Variants in NUP98 observed in about 807,000 individuals in gnomAD.
NUP98 encodes nucleoporin 98 and 96 precursor.
A neutral mutation model predicts 191.9 loss-of-function variants in NUP98; 26 were observed. The ratio of observed to expected loss-of-function variants is 0.14; its 90% CI spans 0.10 to 0.19. The LOEUF (loss-of-function observed/expected upper bound fraction) is 0.19. NUP98 is among the 10% of genes least tolerant of loss of function. The pLI, the probability that NUP98 is intolerant of heterozygous loss-of-function variation, is 1.00. For synonymous variants in NUP98, 808 were observed against 778.4 expected (o/e 1.04, Z -0.63); for missense variants, 1,941 against 2,178.8 (o/e 0.89, Z 2.17).
In NUP98 at chr11:3,691,549, TTA is replaced by T. The variant is rs1439758021; in HGVS notation, c.4312-62_4312-61del. On this transcript the variant is annotated intron_variant, in intron 27 of 32. Coordinates refer to ENST00000324932, the MANE Select transcript of NUP98 (RefSeq NM_016320.5). The stretch of plus-strand genomic sequence containing the variant: ...TCCTAATCAGTTTTACTAGATGCCA[TTA>T]TGTTTCTTCTTTTTTTTTTTGAGAG... 5.2e-6 allele frequency: 8 copies of T among 1,537,548 alleles called. No individual in the cohort carries two copies. The Admixed American group carries it at 1.1e-4, about 21-fold the overall frequency.
intron 26 of NUP98, 51 bp from the exon 27 acceptor site, chr11:3,693,426 T>C: frequency 6.4e-7 from 1 of 1,568,656 alleles, no homozygotes; most frequent in Non-Finnish European, 8.7e-7. Flanking sequence ...TGTTATTACC[T>C]GTGTGTGCAA....
chr11:3,678,677 A>G (rs1242446239), intron 31 of NUP98, among the ~76,000 whole-genome samples: 1 of 152,198 alleles, frequency 6.6e-6, no homozygotes, highest in East Asian at 1.9e-4. Flanking sequence ...CAGGCTAGCA[A>G]GGCTGGAACG....
chr11:3,791,928 C>T (rs1457790917), intron 1 of NUP98, among the ~76,000 whole-genome samples: 1 of 151,638 alleles, frequency 6.6e-6, no homozygotes, highest in Non-Finnish European at 1.5e-5. Context: ...GCCTGTAATC[C>T]CAGGACTTTG....
intron 6 of NUP98, among the ~76,000 whole-genome samples, chr11:3,772,812 C>CAAAA (rs35653017): frequency 7.5e-6 from 1 of 133,938 alleles, no homozygotes. Flanking sequence ...AGACTCGTCT[C>CAAAA]AAAAAAAAAA....
chr11:3,762,941 G>C lies in NUP98; in HGVS notation c.1047C>G (p.Leu349=). Residue 349 remains leucine, a synonymous_variant, in exon 9 of 33, where the codon CTC becomes CTG. Transcript: ENST00000324932. ...TGTAFGTGTG[L]FGQTNTGFGA... Reference sequence around the variant, plus strand: ...CAAATCCAGTATTGGTCTGCCCAAAGAGACCTGTTCCTGTTCCAAATGCTG... The same window carrying C: ...CAAATCCAGTATTGGTCTGCCCAAACAGACCTGTTCCTGTTCCAAATGCTG... 3 of 1,614,136 alleles carry C rather than the reference G, an allele frequency of 1.9e-6. No individual in the cohort carries two copies. The highest frequency in any genetic ancestry group is 2.5e-6 in the Non-Finnish European group (3 of 1,180,036).
chr11:3,779,928 G>A (rs983863103), intron 2 of NUP98, among the ~76,000 whole-genome samples: 5 of 151,986 alleles, frequency 3.3e-5, no homozygotes, highest in African/African-American at 1.2e-4. Flanking sequence ...AGGAGTTCAA[G>A]ACCAGCCTAA....
chr11:3,791,001 T>C (rs1299342933), intron 1 of NUP98, among the ~76,000 whole-genome samples: 1 of 151,720 alleles, frequency 6.6e-6, no homozygotes, highest in Non-Finnish European at 1.5e-5. Context: ...GTTCACGACA[T>C]TCTCCTGCGT....
At chr11:3,795,839 A>G (rs1284590360) in intron 1 of NUP98, among the ~76,000 whole-genome samples, 1 of 152,220 alleles carries the variant, frequency 6.6e-6, no homozygotes, top group Non-Finnish European at 1.5e-5. Context: ...ACGCTTTACT[A>G]TTTAGACTAC....
At chr11:3,725,354 G>GT in intron 14 of NUP98, 135 bp from the exon 15 acceptor site, 1 of 554,774 alleles carries the variant, frequency 1.8e-6, no homozygotes, top group Admixed American at 2.8e-5. Context: ...AACCTAACAA[G>GT]TTTCATTTAT....
At chr11:3,759,895 G>A (rs1189298666) in intron 10 of NUP98, among the ~76,000 whole-genome samples, 1 of 151,524 alleles carries the variant, frequency 6.6e-6, no homozygotes, top group African/African-American at 2.4e-5. Flanking sequence ...CTGGAATGCA[G>A]TGGCAATTCA....
chr11:3,780,706 T>C (rs1319968757), intron 2 of NUP98, among the ~76,000 whole-genome samples: 2 of 151,754 alleles, frequency 1.3e-5, no homozygotes, highest in Admixed American at 1.3e-4. Flanking sequence ...CAGGCTTAGG[T>C]GGGAGAACTG....
At chr11:3,777,477 C>T (rs1391347410) in intron 4 of NUP98, among the ~76,000 whole-genome samples, 1 of 151,876 alleles carries the variant, frequency 6.6e-6, no homozygotes, top group African/African-American at 2.4e-5. Context: ...AAAAATTAGC[C>T]AGGCGTGATG....
rs141741442 is a variant in NUP98, at chr11:3,773,732, G to T, written c.503C>A (p.Thr168Asn). 1.4e-4 allele frequency: 218 copies of T among 1,609,508 alleles called. No individual in the cohort carries two copies. The highest frequency in any genetic ancestry group is 1.6e-4 in the Non-Finnish European group (184 of 1,177,666). Reference sequence around the variant, plus strand: ...AGCTTTGACCATAGTATCTGTACCAGTTGGAGGCTGCAAAGTTAAATAAAG... The same window carrying T: ...AGCTTTGACCATAGTATCTGTACCATTTGGAGGCTGCAAAGTTAAATAAAG... ...TGTTIKFNPP[T>N]GTDTMVKAGV... Residue 168 changes from threonine (T) to asparagine (N), a missense_variant, in exon 6 of 33, where the codon ACT becomes AAT. Physicochemically the swap from Thr to Asn is moderately conservative, Grantham distance 65. Coordinates refer to ENST00000324932, the MANE Select transcript of NUP98 (RefSeq NM_016320.5).
chr11:3,786,030 C>T (rs1249364757), intron 1 of NUP98, among the ~76,000 whole-genome samples: 1 of 152,074 alleles, frequency 6.6e-6, no homozygotes, highest in East Asian at 1.9e-4. Context: ...TCTAATGCTG[C>T]TTATGAATTA....
chr11:3,676,344 C>T lies in NUP98; in HGVS notation c.5218G>A (p.Val1740Met), dbSNP rs761211053. The T allele has an allele frequency of 1.3e-4, 202 of 1,613,862 alleles. No homozygotes were observed. The highest frequency in any genetic ancestry group is 1.6e-4 in the Non-Finnish European group (185 of 1,179,928). Reference protein sequence around the residue: ...MAKRVANLLRVVLSLHHPPDR... With the variant: ...MAKRVANLLRMVLSLHHPPDR... ...GGAGGATGATGCAGACTCAGCACCA[C>T]GCGCAGCAGGTTGGCTACACGTTTG... The change falls in exon 33 of 33, where the codon GTG becomes ATG. Residue 1740 changes from valine to methionine, a missense_variant. Physicochemically the swap from Val to Met is conservative, Grantham distance 21. This residue lies in a region of NUP98 where 1,030 missense variants were observed against 1,115.8 expected (regional missense o/e 0.92). Coordinates refer to ENST00000324932, the MANE Select transcript of NUP98 (RefSeq NM_016320.5).
At chr11:3,752,002 C>A (rs1010030787) in intron 11 of NUP98, among the ~76,000 whole-genome samples, 3 of 151,354 alleles carry the variant, frequency 2.0e-5, no homozygotes, top group Non-Finnish European at 2.9e-5. Flanking sequence ...ATGGGGAAAC[C>A]CTGTCTCTAC....
chr11:3,719,907 A>G (rs2079329657), intron 17 of NUP98, among the ~76,000 whole-genome samples: 1 of 151,850 alleles, frequency 6.6e-6, no homozygotes, highest in Non-Finnish European at 1.5e-5. Context: ...CTACAAGCAC[A>G]TATCATCAGG....
intron 30 of NUP98, among the ~76,000 whole-genome samples, chr11:3,681,486 C>T (rs2077982194): frequency 6.6e-6 from 1 of 152,190 alleles, no homozygotes; most frequent in African/African-American, 2.4e-5. Flanking sequence ...TGAATTACTC[C>T]TTTGCCCATG....
chr11:3,725,060 A>G (rs199860620), intron 15 of NUP98, 43 bp downstream of exon 15: 4 of 863,938 alleles, frequency 4.6e-6, no homozygotes, highest in East Asian at 2.4e-5. Context: ...AAATGAGACT[A>G]TAACTCTCTA....
Sources: allele counts gnomAD v4.1 joint callset (sites outside exome capture counted in the v4.1 genomes callset), GRCh38; gene constraint gnomAD v4.1.1; regional missense constraint gnomAD v4.1.1; transcripts MANE v1.5; gene names NCBI Gene and HGNC (gene_info 2026-07-23, HGNC 2026-07-21).